The following NEGR1 variants were observed in gnomAD, a reference collection of about 807,000 sequenced individuals.
NEGR1 encodes neuronal growth regulator 1.
NEGR1 carries 10 observed loss-of-function variants against 40.9 expected under a neutral mutation model. That is an observed-to-expected ratio of 0.24 (90% confidence interval 0.15 to 0.42). The LOEUF (loss-of-function observed/expected upper bound fraction) is 0.42. Ranked by LOEUF, NEGR1 falls within the 10% of genes least tolerant of loss-of-function variation. The pLI is 1.00. For missense variants in NEGR1, 352 were observed against 438.9 expected (o/e 0.80, Z 1.77); for synonymous variants, 185 against 166.8 (o/e 1.11, Z -0.84).
chr1:72,256,612 A>G (rs1206561737), intron 1 of NEGR1, among the ~76,000 whole-genome samples: 5 of 152,238 alleles, frequency 3.3e-5, no homozygotes, highest in Admixed American at 3.3e-4. Context: ...TCATTATTGC[A>G]GTTCAGAGAA....
chr1:71,626,008 A>G lies in NEGR1; in HGVS notation c.668-14862T>C, dbSNP rs143383729. Among the ~76,000 whole-genome samples the G allele has an allele frequency of 3.3e-3, 494 of 151,920 alleles. 4 individuals are homozygous for G. The highest frequency in any genetic ancestry group is 0.011 in the African/African-American group (472 of 41,444). On this transcript the variant is annotated intron_variant, in intron 4 of 6. Transcript: ENST00000357731. ...GTGTGAACCCTATTGTGAACTGTAC[A>G]TGTGAGGAATGTAAGCTGCATGCTC...
chr1:71,605,502 T>C (rs1373762767), intron 5 of NEGR1, among the ~76,000 whole-genome samples: 2 of 152,226 alleles, frequency 1.3e-5, no homozygotes, highest in East Asian at 3.9e-4. Flanking sequence ...TAATACCTAT[T>C]GAAATGCCAG....
intron 1 of NEGR1, among the ~76,000 whole-genome samples, chr1:72,204,941 C>T (rs535473225): frequency 6.6e-6 from 1 of 151,950 alleles, no homozygotes; most frequent in African/African-American, 2.4e-5. Flanking sequence ...GAAGGGCACA[C>T]AACAATGCTT....
chr1:72,056,554 G>C (rs1006616114), intron 1 of NEGR1, among the ~76,000 whole-genome samples: 4 of 151,356 alleles, frequency 2.6e-5, no homozygotes, highest in Admixed American at 2.0e-4. Context: ...TGAAATTATA[G>C]TGATTTACTT....
intron 3 of NEGR1, among the ~76,000 whole-genome samples, chr1:71,766,251 A>G (rs2101706252): frequency 6.6e-6 from 1 of 152,198 alleles, no homozygotes; most frequent in African/African-American, 2.4e-5. Flanking sequence ...GAAAAAGTTA[A>G]AGATGTAAGA....
At chr1:71,481,558 C>T (rs547702029) in intron 6 of NEGR1, among the ~76,000 whole-genome samples, 1 of 151,878 alleles carries the variant, frequency 6.6e-6, no homozygotes, top group African/African-American at 2.4e-5. Flanking sequence ...ATTCTTGAGC[C>T]AATTGGTGTT....
intron 1 of NEGR1, among the ~76,000 whole-genome samples, chr1:71,976,358 A>G (rs1025769669): frequency 5.9e-5 from 9 of 152,242 alleles, no homozygotes; most frequent in African/African-American, 2.2e-4. Flanking sequence ...ATAAAAGAGT[A>G]ATGAGGTGGG....
At chr1:71,740,303 A>G (rs1655175391) in intron 3 of NEGR1, among the ~76,000 whole-genome samples, 1 of 152,152 alleles carries the variant, frequency 6.6e-6, no homozygotes. Flanking sequence ...TTACTACTCC[A>G]TTATTGCAAT....
chr1:72,069,314 C>A (rs1647364341), intron 1 of NEGR1, among the ~76,000 whole-genome samples: 1 of 151,936 alleles, frequency 6.6e-6, no homozygotes, highest in Admixed American at 6.6e-5. Context: ...CATGGAGGCA[C>A]ACTCCTGTGG....
At chr1:71,794,093 C>T (rs949577150) in intron 2 of NEGR1, 8 of 152,056 alleles carry the variant, frequency 5.3e-5, no homozygotes, top group Admixed American at 2.0e-4. Context: ...AAGGTGCAAA[C>T]AAGTCATTGC....
At chr1:71,734,752 C>G (rs1358111261) in intron 3 of NEGR1, among the ~76,000 whole-genome samples, 4 of 152,120 alleles carry the variant, frequency 2.6e-5, no homozygotes, top group Non-Finnish European at 5.9e-5. Context: ...ACCACTGAAA[C>G]AGCTTTCATT....
chr1:71,596,258 T>G (rs1426900087), intron 5 of NEGR1, among the ~76,000 whole-genome samples: 1 of 152,184 alleles, frequency 6.6e-6, no homozygotes, highest in Non-Finnish European at 1.5e-5. Flanking sequence ...CCAATAGAAG[T>G]TTGCTCCACA....
rs374084053 is a variant in NEGR1 at position 72,236,193 on chromosome 1, A to C, written c.176+46126T>G. On this transcript the variant is annotated intron_variant, in intron 1 of 6. Transcript: ENST00000357731. ...AAACTAACATAGGAACAGAAAACCA[A>C]ACACCACATATTCTCACTCATTAGT... 9.9e-5 allele frequency among the ~76,000 whole-genome samples: 15 copies of C among 152,202 alleles called. No individual in the cohort carries two copies. The East Asian group carries it at 2.7e-3, about 28-fold the overall frequency.
chr1:71,874,580 G>T (rs1660371292), intron 2 of NEGR1, among the ~76,000 whole-genome samples: 1 of 152,024 alleles, frequency 6.6e-6, no homozygotes, highest in Non-Finnish European at 1.5e-5. Context: ...ATTAATGCCT[G>T]CTTTTTAAAT....
At chr1:71,769,581 A>C (rs953994074) in intron 3 of NEGR1, among the ~76,000 whole-genome samples, 2 of 152,144 alleles carry the variant, frequency 1.3e-5, no homozygotes. Flanking sequence ...TGGTTTTACT[A>C]GGGGGTTTTC....
At chr1:71,969,338 G>T (rs1646237268) in intron 1 of NEGR1, among the ~76,000 whole-genome samples, 1 of 152,106 alleles carries the variant, frequency 6.6e-6, no homozygotes, top group East Asian at 1.9e-4. Context: ...TAATATTGTA[G>T]TTAGCGTGCA....
chr1:72,134,006 GA>G lies in NEGR1; in HGVS notation c.176+148312del, dbSNP rs1041104235. Among the ~76,000 whole-genome samples, 153 of 151,176 alleles carry G rather than the reference GA, an allele frequency of 1.0e-3. 1 individual carries two copies. The highest frequency in any genetic ancestry group is 3.5e-3 in the Middle Eastern group (1 of 288). On this transcript the variant is annotated intron_variant, in intron 1 of 6. Transcript: ENST00000357731. ...TAAGATCTATTGAAATATCATACAG[GA>G]AAAAAAATTAAGATGGTATTTAGCA...
At chr1:71,582,423 TA>T (rs1179970658) in intron 6 of NEGR1, among the ~76,000 whole-genome samples, 3 of 152,208 alleles carry the variant, frequency 2.0e-5, no homozygotes, top group African/African-American at 4.8e-5. Flanking sequence ...ACCATATATA[TA>T]TTTTTTTAAC....
chr1:71,952,295 C>A (rs552200989), intron 1 of NEGR1, among the ~76,000 whole-genome samples: 1 of 152,048 alleles, frequency 6.6e-6, no homozygotes, highest in East Asian at 1.9e-4. Flanking sequence ...ATCCAGTGAA[C>A]ATATGAATGA....
Sources: gnomAD v4.1 joint callset for allele counts (sites outside exome capture counted in the v4.1 genomes callset) on GRCh38, gnomAD v4.1.1 for gene constraint, MANE v1.5 for transcripts, NCBI Gene and HGNC (gene_info 2026-07-23, HGNC 2026-07-21) for gene names.